PCDHA4: variants seen among roughly 807,000 people sequenced by gnomAD.
The protein encoded by PCDHA4 is protocadherin alpha 4, also known as protocadherin alpha-4.
Under a neutral mutation model 61.4 loss-of-function variants are expected in PCDHA4, and 49 were observed. That is an observed-to-expected ratio of 0.80 (90% CI 0.63 to 1.01). The LOEUF is 1.01. Among genes scored for constraint, PCDHA4 ranks in the 50% least tolerant of loss-of-function variants. PCDHA4 has a pLI of 0.00. For missense variants in PCDHA4, 1,254 were observed against 1,235.8 expected (o/e 1.01, Z -0.22); for synonymous variants, 590 against 550.3 (o/e 1.07, Z -1.01).
intron 1 of PCDHA4, among the ~76,000 whole-genome samples, chr5:140,948,364 G>C (rs1554218529): frequency 6.6e-6 from 1 of 151,472 alleles, no homozygotes; most frequent in African/African-American, 2.4e-5. Flanking sequence ...AAATGACTTA[G>C]GAGGTGTTCC....
intron 1 of PCDHA4, chr5:140,823,134 G>A: frequency 1.2e-6 from 2 of 1,614,020 alleles, no homozygotes; most frequent in Non-Finnish European, 1.7e-6. Context: ...ACGCTCCGGC[G>A]TTCGCGCAGC....
chr5:140,831,031 G>A (rs10038174), intron 1 of PCDHA4: 88,595 of 152,032 alleles, frequency 0.58, 26,556 homozygotes, highest in African/African-American at 0.72. Context: ...TTGTGATTCC[G>A]GGAGGCAATA....
intron 1 of PCDHA4, among the ~76,000 whole-genome samples, chr5:140,827,573 T>G (rs1769335748): frequency 6.6e-6 from 1 of 152,222 alleles, no homozygotes; most frequent in Admixed American, 6.5e-5. Context: ...CACTATATAA[T>G]AGCATGTCCT....
intron 3 of PCDHA4, among the ~76,000 whole-genome samples, chr5:140,994,851 A>C (rs1178274121): frequency 1.3e-5 from 2 of 149,076 alleles, no homozygotes; most frequent in African/African-American, 5.2e-5. Flanking sequence ...AGATGAGTGC[A>C]TTTGATGGAT....
chr5:140,859,066 G>A (rs949613185), intron 1 of PCDHA4: 1 of 150,848 alleles, frequency 6.6e-6, no homozygotes, highest in Non-Finnish European at 1.5e-5. Flanking sequence ...TATTTTAGTT[G>A]TAGTGGTACC....
At chr5:140,880,281 C>T (rs2058294062) in intron 1 of PCDHA4, among the ~76,000 whole-genome samples, 2 of 152,074 alleles carry the variant, frequency 1.3e-5, no homozygotes. Flanking sequence ...AGAAGTTTGA[C>T]TATCTTCATA....
chr5:140,835,758 G>C, intron 1 of PCDHA4: 1 of 1,613,438 alleles, frequency 6.2e-7, no homozygotes, highest in East Asian at 2.2e-5. Flanking sequence ...CGCGCAGCCC[G>C]AGTATACGGT....
chr5:140,911,343 C>G (rs1223805451), intron 1 of PCDHA4, among the ~76,000 whole-genome samples: 1 of 152,136 alleles, frequency 6.6e-6, no homozygotes, highest in African/African-American at 2.4e-5. Flanking sequence ...CAATCAATGC[C>G]CTCATTTCAA....
At chr5:140,856,956 T>C (rs781976306) in intron 1 of PCDHA4, 1 of 1,593,360 alleles carries the variant, frequency 6.3e-7, no homozygotes, top group South Asian at 1.1e-5. Context: ...GAAATAAAAG[T>C]AAATGATGCT....
intron 1 of PCDHA4, chr5:140,876,486 G>T (rs2153341413): frequency 6.2e-7 from 1 of 1,614,014 alleles, no homozygotes; most frequent in Non-Finnish European, 8.5e-7. Context: ...TGGTCCTGGT[G>T]GAAGTTCTGG....
intron 1 of PCDHA4, among the ~76,000 whole-genome samples, chr5:140,887,409 T>C (rs1203976948): frequency 6.6e-6 from 1 of 152,184 alleles, no homozygotes; most frequent in African/African-American, 2.4e-5. Context: ...TATCTCATTT[T>C]TATTTTTGAA....
At chr5:140,985,619 G>A (rs961379624) in intron 3 of PCDHA4, among the ~76,000 whole-genome samples, 1 of 152,064 alleles carries the variant, frequency 6.6e-6, no homozygotes, top group Non-Finnish European at 1.5e-5. Flanking sequence ...TGAACCAGCT[G>A]TGTATTGCTC....
chr5:140,827,116 T>C (rs1554130718), intron 1 of PCDHA4, among the ~76,000 whole-genome samples: 1 of 152,148 alleles, frequency 6.6e-6, no homozygotes, highest in Non-Finnish European at 1.5e-5. Context: ...TAGGTGAAAG[T>C]GACAATTAGA....
At chr5:140,907,873 CACTCA>C (rs2073658134) in intron 1 of PCDHA4, among the ~76,000 whole-genome samples, 1 of 152,226 alleles carries the variant, frequency 6.6e-6, no homozygotes, top group Non-Finnish European at 1.5e-5. Context: ...CGTTGGTGAG[CACTCA>C]CATGGGATAC....
chr5:140,994,263 C>G (rs1329526022), intron 3 of PCDHA4, among the ~76,000 whole-genome samples: 1 of 152,160 alleles, frequency 6.6e-6, no homozygotes, highest in African/African-American at 2.4e-5. Flanking sequence ...ATAAGGTAAG[C>G]TAGGCTGCCT....
In PCDHA4 at chr5:140,936,501, T is replaced by A. The variant is rs192125282; in HGVS notation, c.2386-42448T>A. On this transcript the variant is annotated intron_variant, in intron 1 of 3. Transcript: ENST00000530339. ...AGCTTTCTTGTTTTAACTTGCACATTTAGATCTTAAATTACCTGAAATTGC... is the reference window on the plus strand; with the variant it reads ...AGCTTTCTTGTTTTAACTTGCACATATAGATCTTAAATTACCTGAAATTGC... Among the ~76,000 whole-genome samples, 509 of 152,360 alleles carry A rather than the reference T, an allele frequency of 3.3e-3. 1 individual carries two copies. Among genetic ancestry groups the A allele is most frequent in the African/African-American group, 0.011 (472 of 41,592 alleles).
At chr5:140,939,603 C>T (rs1158258856) in intron 1 of PCDHA4, among the ~76,000 whole-genome samples, 1 of 152,068 alleles carries the variant, frequency 6.6e-6, no homozygotes, top group Non-Finnish European at 1.5e-5. Flanking sequence ...TGCTCAAAAA[C>T]AGAACAAGGA....
chr5:140,897,174 G>C (rs1356780883), intron 1 of PCDHA4, among the ~76,000 whole-genome samples: 1 of 151,818 alleles, frequency 6.6e-6, no homozygotes, highest in Non-Finnish European at 1.5e-5. Context: ...TATCTCCATG[G>C]GTTCAAAAAA....
chr5:140,869,318 G>A (rs1373742506), intron 1 of PCDHA4: 1 of 1,613,688 alleles, frequency 6.2e-7, no homozygotes, highest in South Asian at 1.1e-5. Flanking sequence ...AAAACACATG[G>A]GGACCTTCTG....
Sources: gnomAD v4.1 joint callset for allele counts (sites outside exome capture counted in the v4.1 genomes callset) on GRCh38, gnomAD v4.1.1 for gene constraint, MANE v1.5 for transcripts, NCBI Gene and HGNC (gene_info 2026-07-23, HGNC 2026-07-21) for gene names.